The following NOS1AP variants were observed in gnomAD, a reference collection of about 807,000 sequenced individuals.
NOS1AP encodes carboxyl-terminal PDZ ligand of neuronal nitric oxide synthase protein.
NOS1AP carries 21 observed loss-of-function variants against 56.2 expected under a neutral mutation model. That is an observed-to-expected ratio of 0.37 (90% CI 0.26 to 0.54). The LOEUF (loss-of-function observed/expected upper bound fraction) is 0.54. Ranked by LOEUF, NOS1AP falls within the 20% of genes least tolerant of loss-of-function variation. The pLI, the probability that NOS1AP is intolerant of heterozygous loss-of-function variation, is 0.84. For missense variants in NOS1AP, 522 were observed against 657.8 expected (o/e 0.79, Z 2.26); for synonymous variants, 270 against 274.6 (o/e 0.98, Z 0.17).
intron 2 of NOS1AP, among the ~76,000 whole-genome samples, chr1:162,229,043 T>G (rs1010322192): frequency 2.0e-5 from 3 of 152,182 alleles, no homozygotes; most frequent in African/African-American, 7.2e-5. Flanking sequence ...GAACTAAAAT[T>G]TTCCTGGGAG....
At chr1:162,170,121 G>A (rs1650693900) in intron 2 of NOS1AP, among the ~76,000 whole-genome samples, 1 of 152,126 alleles carries the variant, frequency 6.6e-6, no homozygotes, top group African/African-American at 2.4e-5. Context: ...TTTTATGATT[G>A]TTGTTTATTC....
At chr1:162,200,192 G>A (rs1257147871) in intron 2 of NOS1AP, among the ~76,000 whole-genome samples, 1 of 152,148 alleles carries the variant, frequency 6.6e-6, no homozygotes, top group Non-Finnish European at 1.5e-5. Context: ...CATCTGAAAG[G>A]GTACAAGCCT....
chr1:162,336,084 C>A (rs919516557), intron 5 of NOS1AP, among the ~76,000 whole-genome samples: 1 of 152,088 alleles, frequency 6.6e-6, no homozygotes, highest in Non-Finnish European at 1.5e-5. Context: ...TAACATGGTA[C>A]CTGCTATTCT....
At position 162,305,031 on chromosome 1, in the gene NOS1AP, C is replaced by A. The variant is rs1035569907; in HGVS notation, c.344+4325C>A. Reference sequence around the variant, plus strand: ...GGCTTACTGAAGTGTTCATTTTAGACGAATGAATTTTTAATTTTTTATTAA... The same window carrying A: ...GGCTTACTGAAGTGTTCATTTTAGAAGAATGAATTTTTAATTTTTTATTAA... On this transcript the variant is annotated intron_variant, in intron 4 of 9. Transcript: ENST00000361897. 6.6e-5 allele frequency among the ~76,000 whole-genome samples: 10 copies of A among 151,938 alleles called. 1 individual carries two copies. The South Asian group carries it at 2.1e-3, about 32-fold the overall frequency.
At chr1:162,360,763 G>A (rs1432325366) in intron 8 of NOS1AP, 1 of 455,732 alleles carries the variant, frequency 2.2e-6, no homozygotes, top group Non-Finnish European at 4.4e-6. Context: ...CCAAGTCCCT[G>A]CCATGTGCAT....
intron 2 of NOS1AP, among the ~76,000 whole-genome samples, chr1:162,243,006 C>T (rs1317949867): frequency 6.6e-6 from 1 of 152,160 alleles, no homozygotes; most frequent in Admixed American, 6.6e-5. Flanking sequence ...TATACATACA[C>T]CCACAGACAG....
At chr1:162,121,424 G>A (rs536973866) in intron 1 of NOS1AP, among the ~76,000 whole-genome samples, 2 of 152,150 alleles carry the variant, frequency 1.3e-5, no homozygotes, top group African/African-American at 4.8e-5. Context: ...CGGCCTTGGA[G>A]AGGATGTTTA....
intron 2 of NOS1AP, among the ~76,000 whole-genome samples, chr1:162,224,812 T>C (rs563054194): frequency 1.1e-4 from 17 of 152,158 alleles, no homozygotes; most frequent in Non-Finnish European, 2.1e-4. Flanking sequence ...TGATTTTGGC[T>C]AAGACTGATG....
chr1:162,192,831 A>G (rs1651686744), intron 2 of NOS1AP, among the ~76,000 whole-genome samples: 1 of 152,126 alleles, frequency 6.6e-6, no homozygotes, highest in Non-Finnish European at 1.5e-5. Context: ...TTTCAGTTTA[A>G]TGCTCAGGTC....
At position 162,291,159 on chromosome 1, in the gene NOS1AP, C is replaced by G. The variant is rs1012835891; in HGVS notation, c.270+3723C>G. Among the ~76,000 whole-genome samples the G allele has an allele frequency of 2.2e-4, 33 of 152,186 alleles. 1 individual carries two copies. The highest frequency in any genetic ancestry group is 8.0e-4 in the African/African-American group (33 of 41,454). ...TCTGAGGCAGCCATCCCAGCCTCCT[C>G]TCTCTCCCAGCCTGTCTGTAACTGG... On this transcript the variant is annotated intron_variant, in intron 3 of 9. Coordinates refer to ENST00000361897, the MANE Select transcript of NOS1AP (RefSeq NM_014697.3).
chr1:162,249,040 C>G (rs777214711), intron 2 of NOS1AP, among the ~76,000 whole-genome samples: 19 of 152,176 alleles, frequency 1.2e-4, no homozygotes, highest in Non-Finnish European at 1.6e-4. Context: ...TCCAGACCAG[C>G]TCAGTGCAAC....
chr1:162,335,491 C>T (rs1198873637), intron 5 of NOS1AP, among the ~76,000 whole-genome samples: 1 of 152,236 alleles, frequency 6.6e-6, no homozygotes, highest in Non-Finnish European at 1.5e-5. Flanking sequence ...TTATAAAGCA[C>T]TTCTAATGTC....
At position 162,135,619 on chromosome 1, in the gene NOS1AP, G is replaced by A. The variant is rs371033095; in HGVS notation, c.106-18786G>A. On this transcript the variant is annotated intron_variant, in intron 1 of 9. Transcript: ENST00000361897. ...AGGGAGGTTGCAGACCCAGGTTTGC[G>A]TTGTAATACAATTACTCTCACCATC... Among the ~76,000 whole-genome samples the A allele has an allele frequency of 3.4e-3, 519 of 152,238 alleles. 2 individuals are homozygous for A. The highest frequency in any genetic ancestry group is 0.012 in the African/African-American group (492 of 41,536).
chr1:162,209,391 G>C (rs1414838291), intron 2 of NOS1AP, among the ~76,000 whole-genome samples: 1 of 152,160 alleles, frequency 6.6e-6, no homozygotes, highest in African/African-American at 2.4e-5. Flanking sequence ...AGGGCGATAG[G>C]ATAGCACAGT....
chr1:162,082,802 G>C (rs995896678), intron 1 of NOS1AP, among the ~76,000 whole-genome samples: 3 of 152,106 alleles, frequency 2.0e-5, no homozygotes, highest in Admixed American at 2.0e-4. Flanking sequence ...ACGCTGAAAA[G>C]GTCATTCCCA....
chr1:162,269,643 A>G (rs1654524336), intron 2 of NOS1AP, among the ~76,000 whole-genome samples: 1 of 152,238 alleles, frequency 6.6e-6, no homozygotes, highest in South Asian at 2.1e-4. Flanking sequence ...TGTTAAAATG[A>G]CATATTGTTA....
chr1:162,072,388 C>G (rs576237648), intron 1 of NOS1AP, among the ~76,000 whole-genome samples: 2 of 152,162 alleles, frequency 1.3e-5, no homozygotes, highest in Non-Finnish European at 2.9e-5. Context: ...CTCCCTTTCC[C>G]AAATGTACTG....
At chr1:162,118,743 C>T (rs1194053137) in intron 1 of NOS1AP, among the ~76,000 whole-genome samples, 1 of 152,168 alleles carries the variant, frequency 6.6e-6, no homozygotes, top group South Asian at 2.1e-4. Context: ...TGATGTTTCT[C>T]AATTTGCTCC....
At chr1:162,202,574 A>T (rs550542775) in intron 2 of NOS1AP, among the ~76,000 whole-genome samples, 1 of 152,180 alleles carries the variant, frequency 6.6e-6, no homozygotes, top group Admixed American at 6.5e-5. Context: ...AATGTGGGCC[A>T]TTAAGTTTAT....
Sources: allele counts gnomAD v4.1 joint callset (sites outside exome capture counted in the v4.1 genomes callset), GRCh38; gene constraint gnomAD v4.1.1; transcripts MANE v1.5; gene names NCBI Gene and HGNC (gene_info 2026-07-23, HGNC 2026-07-21).